Variants in SRA1 observed in about 807,000 individuals in gnomAD.
The protein encoded by SRA1 is steroid receptor RNA activator 1.
Under a neutral mutation model 24.3 loss-of-function variants are expected in SRA1, and 25 were observed. That is an observed-to-expected ratio of 1.03 (90% CI 0.75 to 1.43). The LOEUF is 1.43. Among genes scored for constraint, SRA1 ranks in the 40% most tolerant of loss-of-function variants. The pLI is 0.00. For missense variants in SRA1, 303 were observed against 286.6 expected (o/e 1.06, Z -0.41); for synonymous variants, 104 against 109.5 (o/e 0.95, Z 0.31).
Position 140,551,080 on chromosome 5 carries a change from T to G in SRA1, c.444A>C (p.Arg148Ser). Reference sequence around the variant, plus strand: ...CCATACCTTGCACCAGTAGAGCCATTCTCTTCTTTACAGGTATTGACAACT... The same window carrying G: ...CCATACCTTGCACCAGTAGAGCCATGCTCTTCTTTACAGGTATTGACAACT... ...GGKLSIPVKKRMALLVQELSS... is the reference protein window; with the variant it reads ...GGKLSIPVKKSMALLVQELSS... The change falls in exon 4 of 5, where the codon AGA (arginine) becomes AGC (serine). Residue 148 changes from arginine to serine, a missense_variant. Transcript: ENST00000336283. 6.2e-7 allele frequency: 1 copy of G among 1,614,038 alleles called. No individual in the cohort carries two copies. Among genetic ancestry groups the G allele is most frequent in the Non-Finnish European group, 8.5e-7 (1 of 1,179,886 alleles).
rs1754498153 is a variant in SRA1, at chr5:140,550,085, T to C, written c.*615A>G. The C allele has an allele frequency of 6.4e-6, 1 of 155,244 alleles. No homozygotes were observed. The highest frequency in any genetic ancestry group is 6.3e-5 in the Admixed American group (1 of 15,794). 9.6% of individuals were successfully genotyped at this position (155,244 alleles called of 1,614,324 possible). On this transcript the variant is annotated 3_prime_UTR_variant, in exon 5 of 5. Transcript: ENST00000336283. ...ACCCAAAATGAGGCAGCAGTTTGTT[T>C]GGCAAGTCAGAGTTACAATCCCCAA...
intron 2 of SRA1, among the ~76,000 whole-genome samples, chr5:140,555,590 T>C (rs1011385632): frequency 2.6e-5 from 4 of 152,296 alleles, no homozygotes; most frequent in Non-Finnish European, 5.9e-5. Flanking sequence ...CTTCTCAACC[T>C]TGAAATGCTA....
chr5:140,557,054 C>T lies in SRA1; in HGVS notation c.151+93G>A, dbSNP rs1754725840. 6 of 1,236,450 alleles carry T rather than the reference C, an allele frequency of 4.9e-6. 1 individual carries two copies. In the Admixed American group the frequency reaches 6.9e-5, roughly 14 times the overall value. 76.6% of individuals were successfully genotyped at this position (1,236,450 alleles called of 1,614,324 possible). A position where few individuals can be genotyped will look rare whatever the true frequency, so the allele number is the denominator to read the frequency against. ...AAAACTTCTCTCCTTAAGGAGCCCT[C>T]GGGGAGAGAAAAAAGCCTTCCAAAC... is the stretch of plus-strand genomic sequence containing the variant. On this transcript the variant is annotated intron_variant, in intron 2 of 4. Transcript: ENST00000336283.
Position 140,550,675 on chromosome 5 carries a change from T to A in SRA1, c.*25A>T. 6.2e-7 allele frequency: 1 copy of A among 1,610,408 alleles called. No homozygotes were observed. Among genetic ancestry groups the A allele is most frequent in the Non-Finnish European group, 8.5e-7 (1 of 1,176,684 alleles). On this transcript the variant is annotated 3_prime_UTR_variant, in exon 5 of 5. Transcript: ENST00000336283. ...GGTCTCCAAGGCATAGGAGATGGTG[T>A]CCGGTGAGTCTGGGGAACCGAGGAT...
In SRA1 at chr5:140,551,981, C is replaced by A. The variant is rs1754571698; in HGVS notation, c.354+1G>T. 1 of 1,613,632 alleles carries A rather than the reference C, an allele frequency of 6.2e-7. No individual in the cohort carries two copies. The highest frequency in any genetic ancestry group is 1.3e-5 in the African/African-American group (1 of 74,924). ...CTAACCTCTGATGTGCCAGAGCTTA[C>A]CCTTGTGTGGCCACGGCAGTCTTCC... is the stretch of plus-strand genomic sequence containing the variant. On this transcript the variant is annotated splice_donor_variant, in intron 3 of 4. Coordinates refer to ENST00000336283, the MANE Select transcript of SRA1 (RefSeq NM_001035235.4). LOFTEE classifies it high-confidence loss of function.
chr5:140,557,334 T>C (rs1299178280), intron 1 of SRA1, 62 bp from the exon 2 acceptor site: 3 of 1,604,542 alleles, frequency 1.9e-6, no homozygotes, highest in Non-Finnish European at 2.5e-6. Context: ...ATACTGGGGC[T>C]GGGGGAGACA....
In SRA1 at chr5:140,557,207, C is replaced by CGCCGGCCTGGGTCT. The variant is rs775584062; in HGVS notation, c.77_90dup (p.Gly31ArgfsTer73). ...TTGGTAAGCAGCGAGCGCCTGGGTC[C>CGCCGGCCTGGGTCT]GCCGGCCTGGGTCTGCAGCCCGTAT... On this transcript the variant is annotated frameshift_variant, in exon 2 of 5. Transcript: ENST00000336283. LOFTEE classifies it high-confidence loss of function. 6.2e-7 allele frequency: 1 copy of CGCCGGCCTGGGTCT among 1,613,252 alleles called. No individual in the cohort carries two copies. Among genetic ancestry groups the CGCCGGCCTGGGTCT allele is most frequent in the East Asian group, 2.2e-5 (1 of 44,848 alleles).
intron 2 of SRA1, 44 bp downstream of exon 2, chr5:140,557,103 C>T (rs200308515): frequency 2.5e-6 from 3 of 1,184,074 alleles, no homozygotes; most frequent in South Asian, 1.4e-5. Flanking sequence ...ACACCCCCCC[C>T]CCCCCATTCT....
At chr5:140,556,143 A>G (rs1213488060) in intron 2 of SRA1, among the ~76,000 whole-genome samples, 2 of 152,262 alleles carry the variant, frequency 1.3e-5, no homozygotes, top group African/African-American at 4.8e-5. Flanking sequence ...GACACAGGAA[A>G]GTCCCTCACA....
intron 2 of SRA1, 105 bp from the exon 3 acceptor site, chr5:140,552,289 A>C: frequency 1.2e-6 from 1 of 835,558 alleles, no homozygotes; most frequent in Non-Finnish European, 1.8e-6. Flanking sequence ...CAACTTATTC[A>C]TTCAAAAATA....
At chr5:140,551,290 C>G (rs1479761800) in intron 3 of SRA1, 121 bp from the exon 4 acceptor site, 2 of 707,146 alleles carry the variant, frequency 2.8e-6, no homozygotes, top group East Asian at 2.7e-5. Flanking sequence ...AATTCTGGTT[C>G]TTTACCCAAA....
At chr5:140,552,765 T>C (rs1422446345) in intron 2 of SRA1, among the ~76,000 whole-genome samples, 1 of 150,618 alleles carries the variant, frequency 6.6e-6, no homozygotes, top group Non-Finnish European at 1.5e-5. Context: ...AGCTCAGGAG[T>C]TCAAAACCAG....
In SRA1 at chr5:140,552,840, C is replaced by T. The variant is rs576787723; in HGVS notation, c.152-656G>A. Among the ~76,000 whole-genome samples the T allele has an allele frequency of 5.3e-5, 8 of 152,164 alleles. No individual in the cohort carries two copies. In the South Asian group the frequency reaches 1.7e-3, roughly 32 times the overall value. On this transcript the variant is annotated intron_variant, in intron 2 of 4. Coordinates refer to ENST00000336283, the MANE Select transcript of SRA1 (RefSeq NM_001035235.4). The stretch of plus-strand genomic sequence containing the variant: ...TTTAAAAGTTAGTCAAGTGTGGTGG[C>T]ACACACCTATAGTCCTGGCTACTCA...
In SRA1 at chr5:140,557,108, C is replaced by A. The variant is rs199973012; in HGVS notation, c.151+39G>T. The A allele has an allele frequency of 1.7e-4, 176 of 1,034,634 alleles. 5 individuals carry two copies. The highest frequency in any genetic ancestry group is 4.4e-4 in the African/African-American group (22 of 50,106). The allele number at this position is 1,034,634 out of a possible 1,614,324, so 64.1% of individuals were successfully genotyped here. A position where few individuals can be genotyped will look rare whatever the true frequency, so the allele number is the denominator to read the frequency against. ...CTTATGCCTTACACCCCCCCCCCCC[C>A]ATTCTCCGTCTGTCTCCGAGCACAG... is the stretch of plus-strand genomic sequence containing the variant. On this transcript the variant is annotated intron_variant, in intron 2 of 4. Coordinates refer to ENST00000336283, the MANE Select transcript of SRA1 (RefSeq NM_001035235.4).
In SRA1 at chr5:140,550,180, G is replaced by T; in HGVS notation, c.*520C>A. The T allele has an allele frequency of 6.3e-6, 1 of 158,890 alleles. No homozygotes were observed. The highest frequency in any genetic ancestry group is 1.8e-4 in the East Asian group (1 of 5,446). 9.8% of individuals were successfully genotyped at this position (158,890 alleles called of 1,614,324 possible). On this transcript the variant is annotated 3_prime_UTR_variant, in exon 5 of 5. Transcript: ENST00000336283. Reference sequence around the variant, plus strand: ...CCCACTCAATGTGGTTCTAATCTCTGTAACAGTAGTATCTCAAGGGTGATA... The same window carrying T: ...CCCACTCAATGTGGTTCTAATCTCTTTAACAGTAGTATCTCAAGGGTGATA...
At chr5:140,552,927 GA>G (rs550891686) in intron 2 of SRA1, among the ~76,000 whole-genome samples, 1 of 152,082 alleles carries the variant, frequency 6.6e-6, no homozygotes, top group African/African-American at 2.4e-5. Context: ...TAGAGGCAGG[GA>G]AAAAAACACA....
chr5:140,557,283 G>A lies in SRA1; in HGVS notation c.26-11C>T, dbSNP rs200718775. The stretch of plus-strand genomic sequence containing the variant: ...CGCGTTCCTTGTTGCCTGCGGAGGC[G>A]AGGGATGTGTGAAGCGAGCCCGGAA... On this transcript the variant is annotated splice_polypyrimidine_tract_variant and intron_variant, in intron 1 of 4. Transcript: ENST00000336283. 48 of 1,610,154 alleles carry A rather than the reference G, an allele frequency of 3.0e-5. No individual in the cohort carries two copies. In the Admixed American group the frequency reaches 3.0e-4, roughly 10 times the overall value.
chr5:140,551,739 G>C, intron 3 of SRA1: 1 of 423,946 alleles, frequency 2.4e-6, no homozygotes, highest in Non-Finnish European at 4.2e-6. Flanking sequence ...TTCACTAATA[G>C]GAGCTGAATT....
At chr5:140,556,552 C>A (rs1260582724) in intron 2 of SRA1, among the ~76,000 whole-genome samples, 2 of 152,176 alleles carry the variant, frequency 1.3e-5, no homozygotes, top group African/African-American at 4.8e-5. Context: ...GTCAGCCCCT[C>A]AGACACCTCG....
Sources: gnomAD v4.1 joint callset for allele counts (sites outside exome capture counted in the v4.1 genomes callset) on GRCh38, gnomAD v4.1.1 for gene constraint, MANE v1.5 for transcripts, NCBI Gene and HGNC (gene_info 2026-07-23, HGNC 2026-07-21) for gene names.